KHDRBS2: variants seen among roughly 807,000 people sequenced by gnomAD.
KHDRBS2 encodes KH RNA binding domain containing, signal transduction associated 2, also known as KH domain-containing, RNA-binding, signal transduction-associated protein 2.
In KHDRBS2, 26 loss-of-function variants were observed where a neutral mutation model predicts 44.3. The ratio of observed to expected loss-of-function variants is 0.59; its 90% CI spans 0.43 to 0.81. KHDRBS2 has a LOEUF of 0.81. Ranked by LOEUF, KHDRBS2 falls within the 40% of genes least tolerant of loss-of-function variation. KHDRBS2 has a pLI of 0.00. For synonymous variants in KHDRBS2, 194 were observed against 151.1 expected (o/e 1.28, Z -2.08); for missense variants, 476 against 433.1 (o/e 1.10, Z -0.88).
chr6:61,707,246 T>C (rs1358243540), intron 7 of KHDRBS2, among the ~76,000 whole-genome samples: 1 of 151,204 alleles, frequency 6.6e-6, no homozygotes, highest in Non-Finnish European at 1.5e-5. Context: ...CAAGAGAGAG[T>C]TGCAGATGAG....
intron 4 of KHDRBS2, among the ~76,000 whole-genome samples, chr6:61,909,423 C>A (rs143116672): frequency 5.3e-5 from 8 of 152,104 alleles, no homozygotes; most frequent in Middle Eastern, 6.8e-3. Flanking sequence ...CCTGTAATGT[C>A]CAAATAATTC....
chr6:61,704,938 T>C (rs1769269801), intron 7 of KHDRBS2, among the ~76,000 whole-genome samples: 1 of 151,932 alleles, frequency 6.6e-6, no homozygotes. Flanking sequence ...AGATAAATGA[T>C]TTGTAAACAC....
the KHDRBS2 span, among the ~76,000 whole-genome samples, chr6:61,545,638 ATG>A: frequency 6.6e-6 from 1 of 152,022 alleles, no homozygotes; most frequent in South Asian, 2.1e-4. Context: ...AAAGCAAGGT[ATG>A]TGATAAACTG....
the KHDRBS2 span, among the ~76,000 whole-genome samples, chr6:61,669,819 T>G: frequency 0.35 from 53,241 of 150,726 alleles, 10,259 homozygotes; most frequent in East Asian, 0.49. Context: ...GTACTATGGA[T>G]TAGTTCCATA....
At chr6:62,083,129 C>G (rs73489257) in intron 2 of KHDRBS2, among the ~76,000 whole-genome samples, 3,451 of 152,192 alleles carry the variant, frequency 0.023, 137 homozygotes, top group African/African-American at 0.079. Context: ...CTGGCCTGCC[C>G]TGCCCCCGAT....
At chr6:62,067,184 A>T (rs927609332) in intron 2 of KHDRBS2, among the ~76,000 whole-genome samples, 3 of 151,552 alleles carry the variant, frequency 2.0e-5, no homozygotes, top group Non-Finnish European at 4.4e-5. Context: ...CGCTTTTCTG[A>T]AATCCTTAAC....
chr6:61,562,506 G>A, the KHDRBS2 span, among the ~76,000 whole-genome samples: 1 of 152,062 alleles, frequency 6.6e-6, no homozygotes, highest in African/African-American at 2.4e-5. Flanking sequence ...TTTTCTTAGA[G>A]TTTTTACTCT....
chr6:61,949,216 C>T (rs192158343), intron 4 of KHDRBS2, among the ~76,000 whole-genome samples: 2 of 152,222 alleles, frequency 1.3e-5, no homozygotes, highest in East Asian at 3.9e-4. Context: ...TAAAGCTACT[C>T]AATTTATCTT....
intron 8 of KHDRBS2, among the ~76,000 whole-genome samples, chr6:61,696,106 G>T (rs1767871975): frequency 6.6e-6 from 1 of 151,810 alleles, no homozygotes; most frequent in Non-Finnish European, 1.5e-5. Context: ...CTCAGCCTCT[G>T]GAGTAGCTAG....
At chr6:62,175,905 C>G (rs950873227) in intron 2 of KHDRBS2, among the ~76,000 whole-genome samples, 4 of 151,324 alleles carry the variant, frequency 2.6e-5, no homozygotes, top group Non-Finnish European at 5.9e-5. Context: ...GACTATAGAA[C>G]TACATTTTTA....
chr6:61,705,506 T>G (rs1274687601), intron 7 of KHDRBS2, among the ~76,000 whole-genome samples: 1 of 151,844 alleles, frequency 6.6e-6, no homozygotes, highest in African/African-American at 2.4e-5. Flanking sequence ...AAAGAAAATT[T>G]ATTTTTAGCT....
At position 62,020,791 on chromosome 6, in the gene KHDRBS2, C is replaced by T. The variant is rs565374395; in HGVS notation, c.336+27087G>A. On this transcript the variant is annotated intron_variant, in intron 3 of 8. Transcript: ENST00000281156. ...TGATTGGTGTTATCAAATCTTTTCC[C>T]ATGTTTTCACTTTTAACTATTTGTT... 1.2e-4 allele frequency among the ~76,000 whole-genome samples: 18 copies of T among 152,056 alleles called. No homozygotes were observed. In the South Asian group the frequency reaches 3.7e-3, roughly 32 times the overall value.
the KHDRBS2 span, among the ~76,000 whole-genome samples, chr6:61,672,950 G>C: frequency 2.0e-5 from 3 of 151,566 alleles, no homozygotes; most frequent in African/African-American, 4.9e-5. Flanking sequence ...GTAATGCCTA[G>C]GTTTTCTTCT....
the KHDRBS2 span, among the ~76,000 whole-genome samples, chr6:61,640,403 C>T: frequency 1.3e-5 from 2 of 152,088 alleles, no homozygotes; most frequent in East Asian, 1.9e-4. Flanking sequence ...AAGACACTGA[C>T]TATAAGAGAT....
Position 62,152,440 on chromosome 6 carries a change from T to C in KHDRBS2, c.219+24745A>G, listed in dbSNP as rs139165090. On this transcript the variant is annotated intron_variant, in intron 2 of 8. Transcript: ENST00000281156. ...CACTTAAGAATTCACTAAATGTTAG[T>C]TCTTATGCACATTAAGACAAATGGG... Among the ~76,000 whole-genome samples, 386 of 152,342 alleles carry C rather than the reference T, an allele frequency of 2.5e-3. 3 individuals are homozygous for C. Among genetic ancestry groups the C allele is most frequent in the African/African-American group, 8.5e-3 (354 of 41,574 alleles).
At chr6:61,875,560 A>G (rs1212059639) in intron 6 of KHDRBS2, among the ~76,000 whole-genome samples, 1 of 152,150 alleles carries the variant, frequency 6.6e-6, no homozygotes, top group Non-Finnish European at 1.5e-5. Flanking sequence ...CATTACAGCT[A>G]TATAACTGTT....
At chr6:61,636,961 T>A in the KHDRBS2 span, among the ~76,000 whole-genome samples, 1 of 152,130 alleles carries the variant, frequency 6.6e-6, no homozygotes, top group African/African-American at 2.4e-5. Flanking sequence ...AGGTCACTAT[T>A]TGTTGAATAA....
chr6:61,827,906 T>G (rs1453452033), intron 6 of KHDRBS2, among the ~76,000 whole-genome samples: 1 of 152,140 alleles, frequency 6.6e-6, no homozygotes, highest in African/African-American at 2.4e-5. Flanking sequence ...CATTGGAGGA[T>G]AGGAGTTCAG....
At chr6:62,280,153 G>A (rs1841596372) in intron 1 of KHDRBS2, among the ~76,000 whole-genome samples, 1 of 152,220 alleles carries the variant, frequency 6.6e-6, no homozygotes, top group African/African-American at 2.4e-5. Flanking sequence ...ATTATAAGCA[G>A]TTTGGTATAC....
Sources: gnomAD v4.1 joint callset for allele counts (sites outside exome capture counted in the v4.1 genomes callset) on GRCh38, gnomAD v4.1.1 for gene constraint, MANE v1.5 for transcripts, NCBI Gene and HGNC (gene_info 2026-07-23, HGNC 2026-07-21) for gene names.